SUPT6H: variants seen among roughly 807,000 people sequenced by gnomAD.
SUPT6H encodes the protein transcription elongation factor SPT6.
A neutral mutation model predicts 222.3 loss-of-function variants in SUPT6H; 11 were observed. The ratio of observed to expected loss-of-function variants is 0.05; its 90% CI spans 0.03 to 0.08. The LOEUF is 0.08. Ranked by LOEUF, SUPT6H falls within the 10% of genes least tolerant of loss-of-function variation. The pLI is 1.00. For synonymous variants in SUPT6H, 762 were observed against 801.2 expected (o/e 0.95, Z 0.83); for missense variants, 1,422 against 2,216.0 (o/e 0.64, Z 7.19).
intron 32 of SUPT6H, among the ~76,000 whole-genome samples, chr17:28,698,283 C>T (rs1444977068): frequency 6.6e-6 from 1 of 152,240 alleles, no homozygotes; most frequent in Non-Finnish European, 1.5e-5. Context: ...CTCTCCCTCC[C>T]ACAGAGTGAC....
At position 28,702,021 on chromosome 17, in the gene SUPT6H, C is replaced by T. The variant is rs530992429; in HGVS notation, c.*396C>T. The T allele has an allele frequency of 3.3e-4, 57 of 173,982 alleles. No individual in the cohort carries two copies. The South Asian group carries it at 0.01, about 31-fold the overall frequency. 10.8% of individuals were successfully genotyped at this position (173,982 alleles called of 1,614,324 possible). On this transcript the variant is annotated 3_prime_UTR_variant, in exon 37 of 37. Transcript: ENST00000314616. ...CAGCACATGAGTCTCCCCTAGCTCT[C>T]GTGGGGAGAGGGATGCTATTTATTC...
At chr17:28,677,665 G>A (rs760428728) in intron 7 of SUPT6H, 50 bp from the exon 8 acceptor site, 3 of 1,368,954 alleles carry the variant, frequency 2.2e-6, no homozygotes, top group Non-Finnish European at 3.1e-6. Flanking sequence ...TTTTTCTTAA[G>A]TGAGACACAA....
chr17:28,665,738 T>C (rs1245832434), intron 1 of SUPT6H, among the ~76,000 whole-genome samples: 2 of 152,070 alleles, frequency 1.3e-5, no homozygotes, highest in Non-Finnish European at 2.9e-5. Context: ...ACTCCAAGCC[T>C]GGGCAATGGA....
rs752858634 is a variant in SUPT6H, at chr17:28,675,443, A to G, written c.581A>G (p.Lys194Arg). ...FIVDDDGQPL[K>R]KPKWRKKLPG... ...GTGGATGATGATGGACAGCCTCTGA[A>G]AAAACCTAAGTGGCGGAAAAAGCTT... Residue 194 changes from lysine (K) to arginine (R), a missense_variant, in exon 6 of 37, where the codon AAA (lysine) becomes AGA (arginine). By Grantham distance (26) the Lys-to-Arg change is conservative. This residue lies in a region of SUPT6H where 389 missense variants were observed against 544.6 expected (regional missense o/e 0.71). Coordinates refer to ENST00000314616, the MANE Select transcript of SUPT6H (RefSeq NM_003170.5). 39 of 1,614,072 alleles carry G rather than the reference A, an allele frequency of 2.4e-5. No individual in the cohort carries two copies. The highest frequency in any genetic ancestry group is 3.2e-5 in the Non-Finnish European group (38 of 1,180,032).
chr17:28,675,531 C>G (rs1196711947), intron 6 of SUPT6H, 46 bp downstream of exon 6: 2 of 1,598,542 alleles, frequency 1.3e-6, no homozygotes, highest in Non-Finnish European at 8.6e-7. Flanking sequence ...ATTGAGTGGG[C>G]CCAGTCAGGA....
chr17:28,697,329 A>G (rs1303297449), intron 30 of SUPT6H, among the ~76,000 whole-genome samples: 3 of 152,220 alleles, frequency 2.0e-5, no homozygotes, highest in African/African-American at 7.2e-5. Context: ...GAGAAAATAC[A>G]CATATATACG....
At chr17:28,673,654 A>G in intron 2 of SUPT6H, 144 bp downstream of exon 2, 1 of 632,042 alleles carries the variant, frequency 1.6e-6, no homozygotes, top group Non-Finnish European at 2.8e-6. Context: ...TTCTTAGCAG[A>G]TACTAACTGA....
intron 27 of SUPT6H, 134 bp from the exon 28 acceptor site, chr17:28,693,562 A>C (rs187785651): frequency 9.4e-7 from 1 of 1,064,378 alleles, no homozygotes; most frequent in Non-Finnish European, 1.4e-6. Context: ...GCAGATGACT[A>C]AGTCATTGTG....
At chr17:28,662,660 A>G (rs895453955) in intron 1 of SUPT6H, among the ~76,000 whole-genome samples, 3 of 152,102 alleles carry the variant, frequency 2.0e-5, no homozygotes, top group African/African-American at 7.2e-5. Context: ...GATGGAAGGG[A>G]CCTGGGGCTT....
chr17:28,692,111 C>T (rs2031686840), intron 27 of SUPT6H, among the ~76,000 whole-genome samples: 1 of 146,966 alleles, frequency 6.8e-6, no homozygotes, highest in African/African-American at 2.5e-5. Context: ...ATCATGAGGT[C>T]AGGAGATCGA....
intron 7 of SUPT6H, 82 bp from the exon 8 acceptor site, chr17:28,677,633 C>A: frequency 6.3e-6 from 6 of 957,092 alleles, no homozygotes; most frequent in Non-Finnish European, 1.0e-5. Context: ...GATGATCACA[C>A]GTTTCTGTCC....
chr17:28,673,711 A>C (rs2030568643), intron 2 of SUPT6H: 1 of 552,524 alleles, frequency 1.8e-6, no homozygotes, highest in Admixed American at 3.2e-5. Context: ...AGAAATATAA[A>C]ACAATAAATA....
intron 6 of SUPT6H, 71 bp from the exon 7 acceptor site, chr17:28,676,086 A>G (rs571027677): frequency 1.1e-5 from 17 of 1,497,284 alleles, no homozygotes; most frequent in Non-Finnish European, 1.4e-5. Context: ...CAAGTAAAGG[A>G]TCTATGCAAG....
chr17:28,673,490 T>C lies in SUPT6H; in HGVS notation c.89T>C (p.Phe30Ser), dbSNP rs1338640639. ...GTGGTACCCCGAGTCACCAAGAAAT[T>C]TGTGGAAGAGGAGGATGATGGTGAG... ...GEVVPRVTKK[F>S]VEEEDDDEEE... The change falls in exon 2 of 37, where the codon TTT becomes TCT. Residue 30 changes from phenylalanine (F) to serine (S), a missense_variant. Physicochemically the swap from Phe to Ser is radical, Grantham distance 155. This residue lies in a region of SUPT6H where 89 missense variants were observed against 118.9 expected (regional missense o/e 0.75). Coordinates refer to ENST00000314616, the MANE Select transcript of SUPT6H (RefSeq NM_003170.5). 4 of 1,613,208 alleles carry C rather than the reference T, an allele frequency of 2.5e-6. No individual in the cohort carries two copies. The East Asian group carries it at 6.7e-5, about 27-fold the overall frequency.
chr17:28,696,924 G>C lies in SUPT6H; in HGVS notation c.4051G>C (p.Asp1351His), dbSNP rs761736527. Residue 1351 changes from aspartate (D) to histidine (H), a missense_variant, in exon 30 of 37, where the codon GAC becomes CAC. Physicochemically the swap from Asp to His is moderately conservative, Grantham distance 81 (BLOSUM62 -1). Coordinates refer to ENST00000314616, the MANE Select transcript of SUPT6H (RefSeq NM_003170.5). The stretch of plus-strand genomic sequence containing the variant: ...AGCAGAAAAGATGATGGAGACCATG[G>C]ACCAGGGTGATGTGATTATCCGACC... ...KQAEKMMETM[D>H]QGDVIIRPSS... The C allele has an allele frequency of 6.2e-7, 1 of 1,613,982 alleles. No individual in the cohort carries two copies. Among genetic ancestry groups the C allele is most frequent in the East Asian group, 2.2e-5 (1 of 44,876 alleles).
At chr17:28,691,262 C>T in intron 27 of SUPT6H, 199 bp downstream of exon 27, 1 of 696,594 alleles carries the variant, frequency 1.4e-6, no homozygotes, top group Non-Finnish European at 2.3e-6. Context: ...CACGGTGGCT[C>T]ACGCCTATAA....
chr17:28,701,065 C>A lies in SUPT6H; in HGVS notation c.4931C>A (p.Pro1644Gln), dbSNP rs2032109509. 1.9e-6 allele frequency: 3 copies of A among 1,614,054 alleles called. No individual in the cohort carries two copies. The highest frequency in any genetic ancestry group is 2.2e-5 in the East Asian group (1 of 44,890). ...QYHQLQASTTPQSAQAQPQPS... is the reference protein window; with the variant it reads ...QYHQLQASTTQQSAQAQPQPS... The stretch of plus-strand genomic sequence containing the variant: ...CACCAGCTCCAGGCCAGCACCACCC[C>A]ACAGTCGGCCCAGGCCCAGCCCCAG... The change falls in exon 36 of 37, where the codon CCA becomes CAA. Residue 1644 changes from proline to glutamine, a missense_variant. Coordinates refer to ENST00000314616, the MANE Select transcript of SUPT6H (RefSeq NM_003170.5).
intron 1 of SUPT6H, among the ~76,000 whole-genome samples, chr17:28,673,150 C>CAA (rs568444024): frequency 7.3e-5 from 6 of 81,848 alleles, no homozygotes; most frequent in East Asian, 3.2e-4. Context: ...GACGCCACCT[C>CAA]AAAAAAAAAA....
chr17:28,689,375 C>T lies in SUPT6H; in HGVS notation c.3156C>T (p.Val1052=). ...LGDSTDSYIE[V]LDGSRVHPET... is the part of the protein sequence containing the mutation. ...CCAGCACTGACTCATATATTGAAGT[C>T]CTTGATGGTTCCCGTGTCCACCCTG... Residue 1052 remains valine (V), a synonymous_variant, in exon 25 of 37, where the codon GTC becomes GTT. Coordinates refer to ENST00000314616, the MANE Select transcript of SUPT6H (RefSeq NM_003170.5). 6.2e-7 allele frequency: 1 copy of T among 1,614,188 alleles called. No homozygotes were observed. The highest frequency in any genetic ancestry group is 8.5e-7 in the Non-Finnish European group (1 of 1,180,032).
Sources: gnomAD v4.1 joint callset for allele counts (sites outside exome capture counted in the v4.1 genomes callset) on GRCh38, gnomAD v4.1.1 for gene constraint, gnomAD v4.1.1 regional missense constraint, MANE v1.5 for transcripts, NCBI Gene and HGNC (gene_info 2026-07-23, HGNC 2026-07-21) for gene names.